The following KIAA1328 variants were observed in gnomAD, a reference collection of about 807,000 sequenced individuals.
KIAA1328 encodes KIAA1328, also known as protein hinderin.
KIAA1328 carries 52 observed loss-of-function variants against 68.1 expected under a neutral mutation model. The observed-to-expected ratio is 0.76, with a 90% CI of 0.61 to 0.96. The LOEUF is 0.96. Among genes scored for constraint, KIAA1328 ranks in the 40% least tolerant of loss-of-function variants. KIAA1328 has a pLI of 0.00. For missense variants in KIAA1328, 641 were observed against 677.6 expected (o/e 0.95, Z 0.60); for synonymous variants, 232 against 239.4 (o/e 0.97, Z 0.28).
At chr18:37,119,633 C>T (rs1304511749) in intron 7 of KIAA1328, among the ~76,000 whole-genome samples, 1 of 152,136 alleles carries the variant, frequency 6.6e-6, no homozygotes, top group African/African-American at 2.4e-5. Flanking sequence ...TCAGACCCAT[C>T]TTCAAATACC....
intron 5 of KIAA1328, among the ~76,000 whole-genome samples, chr18:36,896,174 A>G (rs1422585771): frequency 6.6e-6 from 1 of 152,056 alleles, no homozygotes; most frequent in East Asian, 1.9e-4. Flanking sequence ...ATTTTCAGAT[A>G]TCGTTCTCTG....
intron 7 of KIAA1328, among the ~76,000 whole-genome samples, chr18:37,091,822 G>A (rs1362623687): frequency 6.6e-6 from 1 of 152,174 alleles, no homozygotes; most frequent in Non-Finnish European, 1.5e-5. Context: ...TAGGGAACAG[G>A]CAGTTCAGCA....
At chr18:36,850,911 C>G (rs2047191267) in intron 4 of KIAA1328, among the ~76,000 whole-genome samples, 1 of 152,124 alleles carries the variant, frequency 6.6e-6, no homozygotes, top group South Asian at 2.1e-4. Flanking sequence ...TGGGAAAACT[C>G]TCAGTTTTTC....
chr18:37,101,419 G>A (rs1190885762), intron 7 of KIAA1328, among the ~76,000 whole-genome samples: 1 of 152,194 alleles, frequency 6.6e-6, no homozygotes, highest in Non-Finnish European at 1.5e-5. Context: ...GGGTATCAGT[G>A]ATGGAAGATC....
chr18:36,870,836 G>T (rs1449415660), intron 4 of KIAA1328, among the ~76,000 whole-genome samples: 1 of 152,118 alleles, frequency 6.6e-6, no homozygotes, highest in Non-Finnish European at 1.5e-5. Context: ...TCATAACCTT[G>T]ACACGTATGT....
chr18:37,226,883 T>A (rs1367583175), downstream of KIAA1328, among the ~76,000 whole-genome samples: 1 of 152,088 alleles, frequency 6.6e-6, no homozygotes, highest in African/African-American at 2.4e-5. Context: ...TTCTTCTGCC[T>A]CAGCCTCCCC....
At chr18:36,835,138 T>A in intron 2 of KIAA1328, 96 bp from the exon 3 acceptor site, 1 of 911,240 alleles carries the variant, frequency 1.1e-6, no homozygotes, top group Non-Finnish European at 1.6e-6. Flanking sequence ...CTCCATCAGG[T>A]CCCTTAAAGT....
At chr18:37,047,877 G>A (rs896619012) in intron 6 of KIAA1328, among the ~76,000 whole-genome samples, 2 of 152,042 alleles carry the variant, frequency 1.3e-5, no homozygotes, top group Non-Finnish European at 2.9e-5. Context: ...CATCCTGCCC[G>A]CTCATCTCAA....
At chr18:36,863,003 G>A (rs1014653570) in intron 4 of KIAA1328, among the ~76,000 whole-genome samples, 12 of 151,742 alleles carry the variant, frequency 7.9e-5, no homozygotes, top group Non-Finnish European at 1.6e-4. Flanking sequence ...ATTTCTTATT[G>A]CAATTTTTTT....
intron 5 of KIAA1328, among the ~76,000 whole-genome samples, chr18:36,945,029 A>T (rs2050849207): frequency 6.6e-6 from 1 of 152,226 alleles, no homozygotes; most frequent in Non-Finnish European, 1.5e-5. Context: ...GGCTTTTCTT[A>T]AGATAAACAT....
At chr18:37,045,373 T>G (rs572007767) in intron 6 of KIAA1328, among the ~76,000 whole-genome samples, 45 of 152,320 alleles carry the variant, frequency 3.0e-4, no homozygotes, top group African/African-American at 9.9e-4. Flanking sequence ...ATGATTTACA[T>G]TTAAGGTCTT....
intron 6 of KIAA1328, among the ~76,000 whole-genome samples, chr18:37,043,189 A>T (rs1005081697): frequency 6.6e-6 from 1 of 152,088 alleles, no homozygotes; most frequent in Admixed American, 6.5e-5. Flanking sequence ...CTTTCAACAC[A>T]TTTATTATAG....
intron 6 of KIAA1328, among the ~76,000 whole-genome samples, chr18:37,002,273 A>T (rs1348215465): frequency 8.9e-6 from 1 of 112,122 alleles, no homozygotes; most frequent in African/African-American, 3.5e-5. Context: ...TTCTGTTGTG[A>T]TCATAGCTCA....
chr18:36,907,484 T>C (rs1013456055), intron 5 of KIAA1328, among the ~76,000 whole-genome samples: 5 of 152,166 alleles, frequency 3.3e-5, no homozygotes, highest in African/African-American at 1.2e-4. Flanking sequence ...AGTGTGCTGA[T>C]ACTTTTTGGT....
intron 1 of KIAA1328, chr18:36,829,409 C>A (rs923281490): frequency 1.3e-5 from 17 of 1,345,884 alleles, no homozygotes; most frequent in Non-Finnish European, 1.6e-5. Flanking sequence ...TGTGGGGACA[C>A]GGCTCAGATG....
chr18:36,831,838 A>G (rs1444204781), intron 1 of KIAA1328, among the ~76,000 whole-genome samples: 1 of 152,174 alleles, frequency 6.6e-6, no homozygotes, highest in Non-Finnish European at 1.5e-5. Context: ...ATAGAGGTGC[A>G]TCTTCCTCTC....
chr18:37,047,803 G>T (rs559851181), intron 6 of KIAA1328, among the ~76,000 whole-genome samples: 1 of 152,264 alleles, frequency 6.6e-6, no homozygotes, highest in South Asian at 2.1e-4. Context: ...GGCTGTGAGA[G>T]TTGGGACTCT....
At chr18:36,831,799 T>G (rs1355416795) in intron 1 of KIAA1328, among the ~76,000 whole-genome samples, 1 of 152,212 alleles carries the variant, frequency 6.6e-6, no homozygotes, top group Non-Finnish European at 1.5e-5. Flanking sequence ...AGTACTGAAC[T>G]TATTTCCTTC....
At chr18:37,097,194 CTTCTGGTTTTAGGTCT>C (rs2057438754) in intron 7 of KIAA1328, among the ~76,000 whole-genome samples, 1 of 152,034 alleles carries the variant, frequency 6.6e-6, no homozygotes, top group Non-Finnish European at 1.5e-5. Flanking sequence ...TTCTAGGGTT[CTTCTGGTTTTAGGTCT>C]AACATTTAAG....
Sources: allele counts gnomAD v4.1 joint callset (sites outside exome capture counted in the v4.1 genomes callset), GRCh38; gene constraint gnomAD v4.1.1; transcripts MANE v1.5; gene names NCBI Gene and HGNC (gene_info 2026-07-23, HGNC 2026-07-21).